The following PTDSS2 variants were observed in gnomAD, a reference collection of about 807,000 sequenced individuals.
The protein encoded by PTDSS2 is PSS-2.
In PTDSS2, 41 loss-of-function variants were observed where a neutral mutation model predicts 64.7. That is an observed-to-expected ratio of 0.63 (90% CI 0.49 to 0.82). The LOEUF is 0.82. Ranked by LOEUF, PTDSS2 falls within the 40% of genes least tolerant of loss-of-function variation. The pLI, the probability that PTDSS2 is intolerant of heterozygous loss-of-function variation, is 0.00. For synonymous variants in PTDSS2, 297 were observed against 277.8 expected, an observed-to-expected ratio of 1.07 and a Z score of -0.69; for missense variants, 485 against 650.0, an observed-to-expected ratio of 0.75 and a Z score of 2.76.
intron 4 of PTDSS2, among the ~76,000 whole-genome samples, chr11:486,636 A>G (rs530648632): frequency 1.3e-3 from 205 of 152,060 alleles, no homozygotes; most frequent in Non-Finnish European, 2.3e-3. Context: ...AGGTCAGGAG[A>G]TCAAGACCAT....
chr11:481,236 G>T (rs894787782), intron 4 of PTDSS2, among the ~76,000 whole-genome samples: 14 of 152,158 alleles, frequency 9.2e-5, no homozygotes, highest in Admixed American at 8.5e-4. Flanking sequence ...TCGAGGATTG[G>T]TCATGATCTA....
chr11:471,245 GCCA>G, intron 2 of PTDSS2, among the ~76,000 whole-genome samples: 1 of 151,904 alleles, frequency 6.6e-6, no homozygotes, highest in South Asian at 2.1e-4. Flanking sequence ...ACAGGCGTCT[GCCA>G]CCACACCTGG....
intron 11 of PTDSS2, 124 bp downstream of exon 11, chr11:490,192 T>A (rs1384396553): frequency 1.6e-6 from 2 of 1,222,810 alleles, no homozygotes; most frequent in Non-Finnish European, 2.3e-6. Context: ...TCTGGCCGCC[T>A]CTGCGGGAGG....
At chr11:465,858 C>T (rs1014371842) in intron 2 of PTDSS2, among the ~76,000 whole-genome samples, 12 of 151,834 alleles carry the variant, frequency 7.9e-5, no homozygotes, top group African/African-American at 2.9e-4. Flanking sequence ...GAGAGGATTG[C>T]TTGAACCCAG....
intron 2 of PTDSS2, among the ~76,000 whole-genome samples, chr11:471,749 TGGCCTGGGGTGACGCGGATGGC>T (rs1847454092): frequency 1.1e-5 from 1 of 92,478 alleles, no homozygotes; most frequent in African/African-American, 4.3e-5. Flanking sequence ...ACGCAGATGG[TGGCCTGGGGTGACGCGGATGGC>T]GGCCTGGGGT....
At position 490,966 on chromosome 11, in the gene PTDSS2, C is replaced by T. The variant is rs956957822; in HGVS notation, c.*384C>T. On this transcript the variant is annotated 3_prime_UTR_variant, in exon 12 of 12. Transcript: ENST00000308020. The stretch of plus-strand genomic sequence containing the variant: ...GTCCTCCCTCCCCTTTCTGCCTGGT[C>T]AGCCCCGTGGCCTCTGGCCCACCAA... 4 of 231,010 alleles carry T rather than the reference C, an allele frequency of 1.7e-5. No homozygotes were observed. Among genetic ancestry groups the T allele is most frequent in the Non-Finnish European group, 3.4e-5 (4 of 117,126 alleles). The allele number at this position is 231,010 out of a possible 1,614,324, so 14.3% of individuals were successfully genotyped here.
In PTDSS2 at chr11:472,407, A is replaced by G. The variant is rs183717074; in HGVS notation, c.285-1488A>G. Reference sequence around the variant, plus strand: ...CGGGCCCCACCTTGCTGAACCCAGCAGCGAGGGCATCTCTGCCTCTGTCCC... The same window carrying G: ...CGGGCCCCACCTTGCTGAACCCAGCGGCGAGGGCATCTCTGCCTCTGTCCC... On this transcript the variant is annotated intron_variant, in intron 2 of 11. Transcript: ENST00000308020. Among the ~76,000 whole-genome samples the G allele has an allele frequency of 2.0e-5, 3 of 152,306 alleles. No homozygotes were observed. The East Asian group carries it at 5.8e-4, about 29-fold the overall frequency.
intron 3 of PTDSS2, among the ~76,000 whole-genome samples, chr11:475,867 T>C (rs556775791): frequency 6.6e-6 from 1 of 152,364 alleles, no homozygotes; most frequent in South Asian, 2.1e-4. Flanking sequence ...AACTAGGCTG[T>C]GGTGAATTTT....
intron 2 of PTDSS2, among the ~76,000 whole-genome samples, chr11:472,851 G>A (rs1001028577): frequency 2.0e-5 from 3 of 152,190 alleles, no homozygotes; most frequent in African/African-American, 4.8e-5. Context: ...CTTCCCTCAC[G>A]GCAGCCAAAA....
At chr11:485,405 C>T (rs556532517) in intron 4 of PTDSS2, among the ~76,000 whole-genome samples, 23 of 121,780 alleles carry the variant, frequency 1.9e-4, no homozygotes, top group African/African-American at 6.1e-4. Flanking sequence ...TGCAGGCGAC[C>T]GTAAACAGTG....
In PTDSS2 at chr11:461,876, T is replaced by C. The variant is rs1268652187; in HGVS notation, c.284+1588T>C. ...CACCTGGGGACGCTGGACCTGTGGC[T>C]CTGGAGGCAGTGAGGCAGTGGGCAG... is the stretch of plus-strand genomic sequence containing the variant. On this transcript the variant is annotated intron_variant, in intron 2 of 11. Transcript: ENST00000308020. This position sits in a 1 kb window ranked among gnomAD's most constrained non-coding sequence, Gnocchi z 4.2. Among the ~76,000 whole-genome samples, 1 of 152,136 alleles carries C rather than the reference T, an allele frequency of 6.6e-6. No homozygotes were observed. Among genetic ancestry groups the C allele is most frequent in the Non-Finnish European group, 1.5e-5 (1 of 68,018 alleles).
chr11:458,448 G>T (rs1159638985), intron 1 of PTDSS2, among the ~76,000 whole-genome samples: 1 of 149,338 alleles, frequency 6.7e-6, no homozygotes, highest in African/African-American at 2.5e-5. Context: ...CTCGTGATCC[G>T]CCCGCCTCGG....
chr11:488,392 TGGACCCCCTCATTCTCCCC>T, intron 7 of PTDSS2, 80 bp downstream of exon 7: 1 of 1,371,664 alleles, frequency 7.3e-7, no homozygotes, highest in Non-Finnish European at 1.0e-6. Context: ...GCGCGGCCCC[TGGACCCCCTCATTCTCCCC>T]GGGGGGCAGT....
intron 1 of PTDSS2, chr11:459,919 C>G (rs551713963): frequency 1.7e-4 from 83 of 479,938 alleles, no homozygotes; most frequent in African/African-American, 1.5e-3. Flanking sequence ...CAGCATGTGC[C>G]CTCTGAGCAG....
In PTDSS2 at chr11:476,843, GCATAAATTC is replaced by G. The variant is rs1847828225; in HGVS notation, c.368-2237_368-2229del. 6.6e-6 allele frequency among the ~76,000 whole-genome samples: 1 copy of G among 152,162 alleles called. No homozygotes were observed. The highest frequency in any genetic ancestry group is 2.4e-5 in the African/African-American group (1 of 41,422). ...TTCTTCTGTCCGTTTAGTTTGCTTG[GCATAAATTC>G]CATATTACTTTGCCAATCTTCGATT... On this transcript the variant is annotated intron_variant, in intron 3 of 11. Coordinates refer to ENST00000308020, the MANE Select transcript of PTDSS2 (RefSeq NM_030783.3). The surrounding 1 kb of genome is among the most constrained non-coding windows in gnomAD (Gnocchi z 4.9).
chr11:467,334 G>A (rs552067881), intron 2 of PTDSS2, among the ~76,000 whole-genome samples: 4 of 152,138 alleles, frequency 2.6e-5, no homozygotes, highest in African/African-American at 7.2e-5. Context: ...CATACCCGAC[G>A]GAGCAGCTAA....
chr11:488,798 T>C (rs76656049), intron 8 of PTDSS2, 151 bp downstream of exon 8: 32,350 of 657,598 alleles, frequency 0.049, 1,595 homozygotes, highest in East Asian at 0.16. Context: ...GGAACCTCCC[T>C]CTGACCTGGT....
intron 4 of PTDSS2, among the ~76,000 whole-genome samples, chr11:485,681 A>G (rs535248039): frequency 1.6e-5 from 2 of 126,258 alleles, no homozygotes; most frequent in South Asian, 2.8e-4. Context: ...TAAACAGCGC[A>G]CGGGCGCGTG....
chr11:459,358 C>A (rs1846760208), intron 1 of PTDSS2: 1 of 150,420 alleles, frequency 6.6e-6, no homozygotes. Flanking sequence ...GGATGTAGGA[C>A]CTGGGTTAGA....
Sources: allele counts gnomAD v4.1 joint callset (sites outside exome capture counted in the v4.1 genomes callset), GRCh38; gene constraint gnomAD v4.1.1; non-coding constraint Gnocchi (gnomAD v3.1); transcripts MANE v1.5; gene names NCBI Gene and HGNC (gene_info 2026-07-23, HGNC 2026-07-21).